UNC80: variants seen among roughly 807,000 people sequenced by gnomAD.
The protein encoded by UNC80 is unc-80 subunit of NALCN channel complex.
UNC80 carries 164 observed loss-of-function variants against 384.6 expected under a neutral mutation model. The observed-to-expected ratio is 0.43, with a 90% CI of 0.38 to 0.49. UNC80 has a LOEUF of 0.49. Ranked by LOEUF, UNC80 falls within the 20% of genes least tolerant of loss-of-function variation. The probability of loss-of-function intolerance (pLI) is 0.00; values close to 1 mark genes in which losing one functional copy is unlikely to be tolerated. For missense variants in UNC80, 3,330 were observed against 4,143.0 expected, an observed-to-expected ratio of 0.80 and a Z score of 5.39; for synonymous variants, 1,486 against 1,527.8, an observed-to-expected ratio of 0.97 and a Z score of 0.64.
In UNC80 at chr2:209,967,878, A is replaced by G. The variant is rs546890273; in HGVS notation, c.8006+241A>G. The G allele has an allele frequency of 1.0e-4, 42 of 401,320 alleles. No individual in the cohort carries two copies. The East Asian group carries it at 1.8e-3, about 17-fold the overall frequency. The allele number at this position is 401,320 out of a possible 1,614,324, so 24.9% of individuals were successfully genotyped here. On this transcript the variant is annotated intron_variant, in intron 52 of 64. Coordinates refer to ENST00000673920, the MANE Select transcript of UNC80 (RefSeq NM_001371986.1). ...AAAAAAATCTATCCATTTCTTAGCT[A>G]TCATGCTCCTCATCTGACACATATA...
intron 29 of UNC80, among the ~76,000 whole-genome samples, chr2:209,909,318 G>C (rs975095447): frequency 1.3e-5 from 2 of 152,106 alleles, no homozygotes; most frequent in African/African-American, 4.8e-5. Flanking sequence ...CAAACAATTA[G>C]GGAGATTCTT....
chr2:209,887,422 G>C (rs1487393112), intron 25 of UNC80, among the ~76,000 whole-genome samples: 2 of 152,058 alleles, frequency 1.3e-5, no homozygotes, highest in African/African-American at 2.4e-5. Context: ...GCCTGGAAAG[G>C]CTCTCCACTT....
intron 14 of UNC80, among the ~76,000 whole-genome samples, chr2:209,827,535 G>T (rs1423594412): frequency 1.3e-5 from 2 of 152,096 alleles, no homozygotes; most frequent in Non-Finnish European, 2.9e-5. Flanking sequence ...TCCAGCCAGT[G>T]TTCTGCCTGT....
chr2:209,839,079 A>G lies in UNC80; in HGVS notation c.3042-143A>G, dbSNP rs908708627. 68 of 709,676 alleles carry G rather than the reference A, an allele frequency of 9.6e-5. No individual in the cohort carries two copies. In the East Asian group the frequency reaches 1.3e-3, roughly 13 times the overall value. 44.0% of individuals were successfully genotyped at this position (709,676 alleles called of 1,614,324 possible). A position where few individuals can be genotyped will look rare whatever the true frequency, so the allele number is the denominator to read the frequency against. On this transcript the variant is annotated intron_variant, in intron 18 of 64. Coordinates refer to ENST00000673920, the MANE Select transcript of UNC80 (RefSeq NM_001371986.1). This position sits in a 1 kb window ranked among gnomAD's most constrained non-coding sequence, Gnocchi z 4.1. ...CCTTGATCTCTTTCCTCCCACTTCA[A>G]TGCCCACTCTTCCCACATTTCAGCC... is the stretch of plus-strand genomic sequence containing the variant.
intron 52 of UNC80, chr2:209,968,690 C>T (rs904052002): frequency 7.2e-5 from 11 of 152,126 alleles, no homozygotes; most frequent in Non-Finnish European, 1.6e-4. Flanking sequence ...CAGCAAATGG[C>T]TTATCAAAGA....
chr2:209,967,328 G>T, intron 51 of UNC80, 109 bp from the exon 52 acceptor site: 1 of 682,090 alleles, frequency 1.5e-6, no homozygotes. Flanking sequence ...TTAGTTCAGG[G>T]AGTTGGTGGT....
intron 4 of UNC80, among the ~76,000 whole-genome samples, chr2:209,783,985 T>C (rs1241307686): frequency 6.6e-6 from 1 of 152,222 alleles, no homozygotes; most frequent in Non-Finnish European, 1.5e-5. Flanking sequence ...TCTAGCTTAA[T>C]GTTCAACAGA....
chr2:209,922,435 A>G, intron 35 of UNC80, 52 bp downstream of exon 35: 1 of 1,519,920 alleles, frequency 6.6e-7, no homozygotes, highest in Non-Finnish European at 8.9e-7. Flanking sequence ...GTTTTGAAAC[A>G]CTTTCCAGTT....
At chr2:209,772,236 C>T (rs1271542725) in intron 1 of UNC80, 72 bp downstream of exon 1, 24 of 878,762 alleles carry the variant, frequency 2.7e-5, no homozygotes, top group Non-Finnish European at 3.1e-5. Context: ...CGGGTCGCCG[C>T]TGCCGCCGCC....
chr2:209,876,806 G>A (rs2124889117), intron 23 of UNC80, among the ~76,000 whole-genome samples: 1 of 152,210 alleles, frequency 6.6e-6, no homozygotes, highest in Middle Eastern at 3.4e-3. Flanking sequence ...ATTCTCCTTG[G>A]TATAGTTTTT....
chr2:209,997,556 A>C lies in UNC80; in HGVS notation c.*1961A>C, dbSNP rs2093501410. The C allele has an allele frequency of 6.6e-6, 1 of 152,258 alleles. No individual in the cohort carries two copies. Among genetic ancestry groups the C allele is most frequent in the African/African-American group, 2.4e-5 (1 of 41,474 alleles). The allele number at this position is 152,258 out of a possible 1,614,324, so 9.4% of individuals were successfully genotyped here. ...GTCAAAGAAGATTGTTAAATATTCA[A>C]CAAGAATCATAAATACCTTTATATG... On this transcript the variant is annotated 3_prime_UTR_variant, in exon 65 of 65. Coordinates refer to ENST00000673920, the MANE Select transcript of UNC80 (RefSeq NM_001371986.1).
intron 22 of UNC80, among the ~76,000 whole-genome samples, chr2:209,870,562 G>C (rs1490968963): frequency 6.6e-6 from 1 of 152,056 alleles, no homozygotes; most frequent in South Asian, 2.1e-4. Context: ...TCCACCTTTT[G>C]TTAAGGATAG....
At chr2:209,848,107 T>C (rs181029425) in intron 21 of UNC80, among the ~76,000 whole-genome samples, 1 of 152,190 alleles carries the variant, frequency 6.6e-6, no homozygotes, top group Admixed American at 6.6e-5. Flanking sequence ...CCTGTTCTAG[T>C]AGCTTTGGTA....
intron 49 of UNC80, among the ~76,000 whole-genome samples, chr2:209,958,561 G>A (rs2092488152): frequency 6.6e-6 from 1 of 152,094 alleles, no homozygotes; most frequent in East Asian, 1.9e-4. Flanking sequence ...AAATTGCCTG[G>A]TGTGATGGTT....
Position 209,904,932 on chromosome 2 carries a change from C to T in UNC80, c.4749C>T (p.Ser1583=). 1 of 1,551,706 alleles carries T rather than the reference C, an allele frequency of 6.4e-7. No individual in the cohort carries two copies. Among genetic ancestry groups the T allele is most frequent in the Non-Finnish European group, 8.7e-7 (1 of 1,146,990 alleles). Residue 1583 remains serine, a synonymous_variant, in exon 29 of 65, where the codon AGC becomes AGT. Coordinates refer to ENST00000673920, the MANE Select transcript of UNC80 (RefSeq NM_001371986.1). ...VDSLRESSNI[S]SVALRGKKQK... Reference sequence around the variant, plus strand: ...CCCTGAGGGAAAGCAGCAACATCAGCAGTGTGGCTCTCCGGGGCAAGAAAC... The same window carrying T: ...CCCTGAGGGAAAGCAGCAACATCAGTAGTGTGGCTCTCCGGGGCAAGAAAC...
chr2:209,992,019 C>T (rs1186225464), intron 61 of UNC80, 147 bp from the exon 62 acceptor site: 2 of 546,922 alleles, frequency 3.7e-6, no homozygotes, highest in Admixed American at 3.7e-5. Flanking sequence ...TTGAAAACAC[C>T]CATCCCAGGG....
chr2:209,957,361 C>T (rs1650245128), intron 48 of UNC80, among the ~76,000 whole-genome samples: 1 of 152,124 alleles, frequency 6.6e-6, no homozygotes, highest in Admixed American at 6.6e-5. Flanking sequence ...GTAGATATTT[C>T]ATAAATGTCT....
At chr2:209,913,053 C>T (rs958680759) in intron 30 of UNC80, among the ~76,000 whole-genome samples, 2 of 152,174 alleles carry the variant, frequency 1.3e-5, no homozygotes, top group African/African-American at 4.8e-5. Flanking sequence ...TTCTCTTGAT[C>T]TTAGTCACCT....
intron 22 of UNC80, among the ~76,000 whole-genome samples, chr2:209,866,525 CACACACACAGAGAGAGAG>C (rs2083821654): frequency 1.1e-4 from 12 of 110,214 alleles, no homozygotes; most frequent in African/African-American, 5.2e-4. Context: ...CACACACACA[CACACACACAGAGAGAGAG>C]AGAGAGAGAG....
Sources: gnomAD v4.1 joint callset for allele counts (sites outside exome capture counted in the v4.1 genomes callset) on GRCh38, gnomAD v4.1.1 for gene constraint, Gnocchi (gnomAD v3.1) non-coding constraint, MANE v1.5 for transcripts, NCBI Gene and HGNC (gene_info 2026-07-23, HGNC 2026-07-21) for gene names.